BCLAF1: variants seen among roughly 807,000 people sequenced by gnomAD.
BCLAF1 encodes the protein BCL2 associated transcription factor 1.
A neutral mutation model predicts 99.5 loss-of-function variants in BCLAF1; 10 were observed. That is an observed-to-expected ratio of 0.10 (90% CI 0.06 to 0.17). The LOEUF (loss-of-function observed/expected upper bound fraction) is 0.17. Among genes scored for constraint, BCLAF1 ranks in the 10% least tolerant of loss-of-function variants. The pLI is 1.00. For synonymous variants in BCLAF1, 255 were observed against 370.9 expected (o/e 0.69, Z 3.59); for missense variants, 636 against 1,105.8 (o/e 0.58, Z 6.02).
intron 11 of BCLAF1, among the ~76,000 whole-genome samples, chr6:136,263,317 G>C (rs933184688): frequency 6.6e-6 from 1 of 152,026 alleles, no homozygotes; most frequent in African/African-American, 2.4e-5. Context: ...AAATAGAAAA[G>C]CCAAGAGCAA....
chr6:136,283,821 C>T (rs1470146563), intron 1 of BCLAF1, among the ~76,000 whole-genome samples: 3 of 151,996 alleles, frequency 2.0e-5, no homozygotes, highest in African/African-American at 4.8e-5. Context: ...AAGGAGGAAT[C>T]GGAACCTATT....
chr6:136,284,671 G>A (rs957810423), intron 1 of BCLAF1, among the ~76,000 whole-genome samples: 2 of 152,178 alleles, frequency 1.3e-5, no homozygotes, highest in Non-Finnish European at 2.9e-5. Flanking sequence ...AAACTTTCCA[G>A]ATAACTTGAG....
chr6:136,260,936 A>G lies in BCLAF1; in HGVS notation c.*174T>C, dbSNP rs1209658899. Reference sequence around the variant, plus strand: ...CTACTTTATTTCAGTACAATTTTCAACATACAGTCTACTATTTCTCAAGAT... The same window carrying G: ...CTACTTTATTTCAGTACAATTTTCAGCATACAGTCTACTATTTCTCAAGAT... On this transcript the variant is annotated 3_prime_UTR_variant, in exon 13 of 13. Coordinates refer to ENST00000531224, the MANE Select transcript of BCLAF1 (RefSeq NM_014739.3). 6 of 607,526 alleles carry G rather than the reference A, an allele frequency of 9.9e-6. No homozygotes were observed. The East Asian group carries it at 1.6e-4, about 16-fold the overall frequency. The allele number at this position is 607,526 out of a possible 1,614,324, so 37.6% of individuals were successfully genotyped here.
At position 136,259,261 on chromosome 6, in the gene BCLAF1, T is replaced by C. The variant is rs1780688805; in HGVS notation, c.*1849A>G. ...ATATAACCTGCCCACAGGAATTAAG[T>C]AGTTTTATTCCCACTCCCTATTACA... On this transcript the variant is annotated 3_prime_UTR_variant, in exon 13 of 13. Transcript: ENST00000531224. 1 of 152,044 alleles carries C rather than the reference T, an allele frequency of 6.6e-6. No individual in the cohort carries two copies. Among genetic ancestry groups the C allele is most frequent in the Non-Finnish European group, 1.5e-5 (1 of 67,884 alleles). 9.4% of individuals were successfully genotyped at this position (152,044 alleles called of 1,614,324 possible).
intron 11 of BCLAF1, among the ~76,000 whole-genome samples, 198 bp downstream of exon 11, chr6:136,266,831 A>G (rs543830308): frequency 2.5e-4 from 38 of 152,170 alleles, no homozygotes; most frequent in African/African-American, 8.4e-4. Context: ...CCTATGTTTA[A>G]TATCAAGAAA....
intron 1 of BCLAF1, among the ~76,000 whole-genome samples, chr6:136,284,130 GTATATATATA>G (rs60218804): frequency 2.3e-3 from 280 of 122,006 alleles, no homozygotes; most frequent in Non-Finnish European, 2.2e-3. Flanking sequence ...GTGTGTGTGT[GTATATATATA>G]TATATATATA....
chr6:136,268,418 T>C (rs930424637), intron 9 of BCLAF1, 79 bp from the exon 10 acceptor site: 2 of 1,309,258 alleles, frequency 1.5e-6, no homozygotes, highest in East Asian at 2.5e-5. Flanking sequence ...AGAAGAGATA[T>C]TTTTCAAGTC....
rs1780525305 is a variant in BCLAF1, at chr6:136,257,286, C to G, written c.*3824G>C. 6.6e-6 allele frequency: 1 copy of G among 152,134 alleles called. No homozygotes were observed. Among genetic ancestry groups the G allele is most frequent in the Non-Finnish European group, 1.5e-5 (1 of 68,010 alleles). The allele number at this position is 152,134 out of a possible 1,614,324, so 9.4% of individuals were successfully genotyped here. A position where few individuals can be genotyped will look rare whatever the true frequency, so the allele number is the denominator to read the frequency against. On this transcript the variant is annotated 3_prime_UTR_variant, in exon 13 of 13. Coordinates refer to ENST00000531224, the MANE Select transcript of BCLAF1 (RefSeq NM_014739.3). ...GAATGTTTCTAGTTGTGGTGGAATG[C>G]TATCCTAATAATGCCTGTTCTCTTT...
intron 1 of BCLAF1, among the ~76,000 whole-genome samples, chr6:136,288,943 G>A (rs1280397905): frequency 6.6e-6 from 1 of 152,172 alleles, no homozygotes; most frequent in Admixed American, 6.5e-5. Flanking sequence ...GCCACGCTCA[G>A]AACCACCAGC....
At chr6:136,266,940 T>C (rs1457593596) in intron 11 of BCLAF1, 89 bp downstream of exon 11, 33 of 1,437,212 alleles carry the variant, frequency 2.3e-5, no homozygotes, top group East Asian at 4.6e-5. Flanking sequence ...AATCTTCTTA[T>C]AGTAGTGGTT....
intron 1 of BCLAF1, among the ~76,000 whole-genome samples, chr6:136,285,953 C>T (rs1197469317): frequency 6.6e-6 from 1 of 152,028 alleles, no homozygotes; most frequent in Non-Finnish European, 1.5e-5. Flanking sequence ...CAAAAATCAG[C>T]CAGGCGTGGT....
intron 11 of BCLAF1, among the ~76,000 whole-genome samples, chr6:136,264,060 C>T (rs567482963): frequency 3.3e-5 from 5 of 152,162 alleles, no homozygotes; most frequent in African/African-American, 7.2e-5. Flanking sequence ...TAAGCTACTC[C>T]ACCTTTGTAC....
chr6:136,278,992 AAAAC>A (rs1366406082), intron 3 of BCLAF1, among the ~76,000 whole-genome samples: 1 of 44,104 alleles, frequency 2.3e-5, no homozygotes, highest in Non-Finnish European at 4.2e-5. Flanking sequence ...ATGAAGGCAC[AAAAC>A]ACACACACAC....
Position 136,289,761 on chromosome 6 carries a change from A to C in BCLAF1, c.-163T>G, listed in dbSNP as rs1230793049. ...GGGAATTTATCTCCGTTGCAACCAC[A>C]CAGCGGCCATTTCCCGACTCAAGAA... On this transcript the variant is annotated 5_prime_UTR_variant, in exon 1 of 13. Coordinates refer to ENST00000531224, the MANE Select transcript of BCLAF1 (RefSeq NM_014739.3). 1.3e-5 allele frequency: 2 copies of C among 152,754 alleles called. No individual in the cohort carries two copies. Among genetic ancestry groups the C allele is most frequent in the Non-Finnish European group, 2.9e-5 (2 of 68,092 alleles). 9.5% of individuals were successfully genotyped at this position (152,754 alleles called of 1,614,324 possible). A position where few individuals can be genotyped will look rare whatever the true frequency, so the allele number is the denominator to read the frequency against.
intron 11 of BCLAF1, among the ~76,000 whole-genome samples, chr6:136,265,120 C>G (rs1398927542): frequency 6.6e-6 from 1 of 152,162 alleles, no homozygotes; most frequent in Non-Finnish European, 1.5e-5. Context: ...TCTGACCTAT[C>G]TATCATACCT....
intron 8 of BCLAF1, 165 bp downstream of exon 8, chr6:136,271,829 AC>A: frequency 1.9e-6 from 1 of 527,334 alleles, no homozygotes; most frequent in Non-Finnish European, 3.4e-6. Context: ...GTATAGTGTC[AC>A]CTTAATTTCT....
chr6:136,287,174 C>T (rs1234899194), intron 1 of BCLAF1, among the ~76,000 whole-genome samples: 3 of 150,488 alleles, frequency 2.0e-5, no homozygotes, highest in African/African-American at 7.3e-5. Context: ...GACATGGTGG[C>T]GGGCCGGCGC....
At chr6:136,289,094 A>G (rs911495785) in intron 1 of BCLAF1, among the ~76,000 whole-genome samples, 1 of 152,228 alleles carries the variant, frequency 6.6e-6, no homozygotes, top group Non-Finnish European at 1.5e-5. Flanking sequence ...GAGGCAGAAC[A>G]GAGCACTAAA....
At chr6:136,284,197 C>T (rs1010227198) in intron 1 of BCLAF1, among the ~76,000 whole-genome samples, 6 of 146,484 alleles carry the variant, frequency 4.1e-5, no homozygotes, top group African/African-American at 7.9e-5. Flanking sequence ...TTTACTCCGT[C>T]ATGGTATTTT....
Sources: allele counts gnomAD v4.1 joint callset (sites outside exome capture counted in the v4.1 genomes callset), GRCh38; gene constraint gnomAD v4.1.1; transcripts MANE v1.5; gene names NCBI Gene and HGNC (gene_info 2026-07-23, HGNC 2026-07-21).